KLHL13: variants seen among roughly 807,000 people sequenced by gnomAD.
The protein encoded by KLHL13 is kelch like family member 13.
Under a neutral mutation model 37.1 loss-of-function variants are expected in KLHL13, and 10 were observed. The observed-to-expected ratio is 0.27, with a 90% CI of 0.17 to 0.46. The LOEUF is 0.46. KLHL13 is among the 20% of genes least tolerant of loss of function. KLHL13 has a pLI of 1.00. For synonymous variants in KLHL13, 163 were observed against 181.2 expected (o/e 0.90, Z 0.81); for missense variants, 360 against 509.3 (o/e 0.71, Z 2.82).
At chrX:117,990,492 C>A (rs2053775689) in intron 1 of KLHL13, among the ~76,000 whole-genome samples, 1 of 112,033 alleles carries the variant, frequency 8.9e-6, no homozygotes, top group Admixed American at 9.4e-5. Flanking sequence ...ATTTTGTGGA[C>A]TGGTAAATGA....
At chrX:117,927,833 G>A (rs1229490275) in intron 2 of KLHL13, among the ~76,000 whole-genome samples, 1 of 111,712 alleles carries the variant, frequency 9.0e-6, no homozygotes, top group African/African-American at 3.3e-5. Context: ...GGATGGTGGT[G>A]GGTATAACTA....
intron 1 of KLHL13, among the ~76,000 whole-genome samples, chrX:117,984,332 T>A (rs1329554645): frequency 9.1e-6 from 1 of 109,890 alleles, no homozygotes; most frequent in African/African-American, 3.4e-5. Flanking sequence ...AGCTCTAATA[T>A]AAAATTTCAT....
chrX:118,029,013 C>G (rs2054305708), intron 1 of KLHL13, among the ~76,000 whole-genome samples: 1 of 111,592 alleles, frequency 9.0e-6, no homozygotes, highest in African/African-American at 3.3e-5. Flanking sequence ...TAGTAGCGGT[C>G]TCAGTTATCA....
At chrX:117,910,171 T>C in intron 4 of KLHL13, 75 bp from the exon 6 acceptor site, 4 of 703,469 alleles carry the variant, frequency 5.7e-6, no homozygotes, top group Non-Finnish European at 8.3e-6. Flanking sequence ...CAAATACCTG[T>C]TCTAGAATAA....
At chrX:118,089,656 AAGAAAG>A (rs2055104014) in intron 1 of KLHL13, among the ~76,000 whole-genome samples, 1 of 108,712 alleles carries the variant, frequency 9.2e-6, no homozygotes, top group African/African-American at 3.4e-5. Flanking sequence ...GAAAGAAAGA[AAGAAAG>A]AAAGAAAAAA....
intron 1 of KLHL13, among the ~76,000 whole-genome samples, chrX:118,001,726 A>C (rs1455287905): frequency 9.1e-6 from 1 of 110,357 alleles, no homozygotes; most frequent in East Asian, 2.9e-4. Context: ...TTAGCTGGGC[A>C]TGGTGGCACA....
At chrX:117,980,188 G>A (rs891109488) in intron 1 of KLHL13, among the ~76,000 whole-genome samples, 1 of 111,507 alleles carries the variant, frequency 9.0e-6, no homozygotes, top group Non-Finnish European at 1.9e-5. Flanking sequence ...CACTATTTTG[G>A]TAAGAATAAA....
chrX:117,952,005 T>A (rs1471115686), intron 1 of KLHL13, among the ~76,000 whole-genome samples: 1 of 111,320 alleles, frequency 9.0e-6, no homozygotes, highest in Non-Finnish European at 1.9e-5. Flanking sequence ...TTCAATGCCA[T>A]CCCCATCAAG....
chrX:117,907,241 G>A (rs1330180429), intron 5 of KLHL13, among the ~76,000 whole-genome samples: 1 of 111,296 alleles, frequency 9.0e-6, no homozygotes, highest in African/African-American at 3.3e-5. Context: ...CTGAAAGAGA[G>A]TTGGGATAGG....
Position 118,063,590 on chromosome X carries a change from A to G in KLHL13, c.-56+52918T>C, listed in dbSNP as rs184491574. Among the ~76,000 whole-genome samples, 9 of 111,718 alleles carry G rather than the reference A, an allele frequency of 8.1e-5. No homozygotes were observed. In the East Asian group the frequency reaches 2.5e-3, roughly 31 times the overall value. On this transcript the variant is annotated intron_variant, in intron 1 of 6. Transcript: ENST00000371882. ...TTATGTTTGATGCTTAAAGTATGTC[A>G]TGCTATATTAGTTTGTCCCTAGAAA... is the stretch of plus-strand genomic sequence containing the variant.
intron 2 of KLHL13, among the ~76,000 whole-genome samples, chrX:117,940,728 G>T (rs1293693248): frequency 9.0e-6 from 1 of 111,435 alleles, no homozygotes; most frequent in Non-Finnish European, 1.9e-5. Context: ...GTTCACTCAT[G>T]ATTTGGATCT....
At chrX:118,004,497 A>G (rs2053959898) in intron 1 of KLHL13, among the ~76,000 whole-genome samples, 1 of 111,851 alleles carries the variant, frequency 8.9e-6, no homozygotes, top group African/African-American at 3.3e-5. Flanking sequence ...ATAAACTCCA[A>G]ACATAAGGAA....
At chrX:117,905,874 C>T (rs1930489039) in intron 5 of KLHL13, among the ~76,000 whole-genome samples, 1 of 111,210 alleles carries the variant, frequency 9.0e-6, no homozygotes, top group Non-Finnish European at 1.9e-5. Flanking sequence ...ACTATAGTCA[C>T]CCTGCTGTGC....
At chrX:117,942,114 T>G (rs1933069936) in intron 2 of KLHL13, among the ~76,000 whole-genome samples, 1 of 111,914 alleles carries the variant, frequency 8.9e-6, no homozygotes, top group Non-Finnish European at 1.9e-5. Context: ...AGGAGCAGGT[T>G]GTTCAGTTTC....
intron 1 of KLHL13, among the ~76,000 whole-genome samples, chrX:118,089,781 A>T (rs952398869): frequency 1.6e-4 from 18 of 111,301 alleles, no homozygotes; most frequent in African/African-American, 5.5e-4. Context: ...CAGCTGCATT[A>T]AAAAAGTATC....
intron 1 of KLHL13, among the ~76,000 whole-genome samples, chrX:118,054,313 C>CT (rs746911910): frequency 5.1e-4 from 57 of 111,285 alleles, no homozygotes; most frequent in African/African-American, 1.7e-3. Context: ...GATTCACAAA[C>CT]TATCTTAAAA....
In KLHL13 at chrX:118,050,757, T is replaced by G. The variant is rs2054604894; in HGVS notation, c.-56+65751A>C. Among the ~76,000 whole-genome samples, 5 of 112,321 alleles carry G rather than the reference T, an allele frequency of 4.5e-5. No individual in the cohort carries two copies. The South Asian group carries it at 1.8e-3, about 42-fold the overall frequency. On this transcript the variant is annotated intron_variant, in intron 1 of 6. Transcript: ENST00000371882. ...TCATTCTATGTAATCCACTGAGCCC[T>G]GATACACACACATCTTGCAATTTAA... is the stretch of plus-strand genomic sequence containing the variant.
chrX:118,075,922 G>GA (rs1374754372), intron 1 of KLHL13, among the ~76,000 whole-genome samples: 2 of 111,203 alleles, frequency 1.8e-5, no homozygotes, highest in African/African-American at 6.5e-5. Flanking sequence ...ATATTTGTGG[G>GA]AAAAAAACTG....
Position 117,985,915 on chromosome X carries a change from G to A in KLHL13, c.-55-40340C>T, listed in dbSNP as rs150645756. ...TATAACTCATCTCCCTGCATTGCCC[G>A]TCTTCAATTTGTCAATCCCATTCCA... On this transcript the variant is annotated intron_variant, in intron 1 of 6. Coordinates refer to the KLHL13 transcript ENST00000371882. Among the ~76,000 whole-genome samples the A allele has an allele frequency of 6.0e-3, 659 of 110,210 alleles. 5 individuals carry two copies. The highest frequency in any genetic ancestry group is 0.02 in the African/African-American group (613 of 30,363).
Sources: allele counts gnomAD v4.1 joint callset (sites outside exome capture counted in the v4.1 genomes callset), GRCh38; gene constraint gnomAD v4.1.1; transcripts MANE v1.5; gene names NCBI Gene and HGNC (gene_info 2026-07-23, HGNC 2026-07-21).